The following CHST12 variants were observed in gnomAD, a reference collection of about 807,000 sequenced individuals.
CHST12 encodes carbohydrate (chondroitin 4) sulfotransferase 12.
Under a neutral mutation model 27.9 loss-of-function variants are expected in CHST12, and 23 were observed. The ratio of observed to expected loss-of-function variants is 0.82; its 90% CI spans 0.59 to 1.17. The LOEUF is 1.17. Ranked by LOEUF, CHST12 falls within the 50% of genes most tolerant of loss-of-function variation. CHST12 has a pLI of 0.00. For missense variants in CHST12, 682 were observed against 603.0 expected, an observed-to-expected ratio of 1.13 and a Z score of -1.37; for synonymous variants, 322 against 273.0, an observed-to-expected ratio of 1.18 and a Z score of -1.77.
intron 1 of CHST12, among the ~76,000 whole-genome samples, chr7:2,422,035 C>G (rs1383996814): frequency 6.6e-6 from 1 of 152,152 alleles, no homozygotes; most frequent in African/African-American, 2.4e-5. Flanking sequence ...AGCAGAAGTG[C>G]TTAGGTTGGC....
rs930506446 is a variant in CHST12 at position 2,441,415 on chromosome 7, G to T, written c.*7531G>T. Reference sequence around the variant, plus strand: ...AAATAGTAATGATAAGAATATGGCTGCAGGGGGCAGCTTATGCCTGTAATC... The same window carrying T: ...AAATAGTAATGATAAGAATATGGCTTCAGGGGGCAGCTTATGCCTGTAATC... On this transcript the variant is annotated 3_prime_UTR_variant, in exon 2 of 2. Coordinates refer to ENST00000618655, the MANE Select transcript of CHST12 (RefSeq NM_018641.5). The T allele has an allele frequency of 6.6e-6, 1 of 152,326 alleles. No homozygotes were observed. The highest frequency in any genetic ancestry group is 6.5e-5 in the Admixed American group (1 of 15,304). 9.4% of individuals were successfully genotyped at this position (152,326 alleles called of 1,614,324 possible). A position where few individuals can be genotyped will look rare whatever the true frequency, so the allele number is the denominator to read the frequency against.
chr7:2,424,565 G>A (rs371674737), intron 1 of CHST12, among the ~76,000 whole-genome samples: 3 of 152,116 alleles, frequency 2.0e-5, no homozygotes, highest in African/African-American at 4.8e-5. Flanking sequence ...ACTCTCCCCC[G>A]GAAGACTCCC....
chr7:2,433,642 G>A lies in CHST12; in HGVS notation c.1003G>A (p.Asp335Asn), dbSNP rs779767608. Residue 335 changes from aspartate (D) to asparagine (N), a missense_variant, in exon 2 of 2, where the codon GAC becomes AAC. By Grantham distance (23) the Asp-to-Asn change is conservative. Transcript: ENST00000618655. This position sits in a 1 kb window ranked among gnomAD's most constrained non-coding sequence, Gnocchi z 6.1. ...CCGCCTCTGCCACCCGTGCCAGATC[G>A]ACTACGACTTCGTGGGGAAGCTGGA... is the stretch of plus-strand genomic sequence containing the variant. Reference protein sequence around the residue: ...VYRLCHPCQIDYDFVGKLETL... With the variant: ...VYRLCHPCQINYDFVGKLETL... 17 of 1,613,618 alleles carry A rather than the reference G, an allele frequency of 1.1e-5. No homozygotes were observed. The East Asian group carries it at 1.3e-4, about 13-fold the overall frequency.
chr7:2,411,678 G>C (rs1781671228), intron 1 of CHST12, among the ~76,000 whole-genome samples: 1 of 151,912 alleles, frequency 6.6e-6, no homozygotes, highest in Admixed American at 6.6e-5. Context: ...AGTAGAGACA[G>C]GGTTTTGCCA....
In CHST12 at chr7:2,427,023, T is replaced by G. The variant is rs141193429; in HGVS notation, c.-77-5540T>G. On this transcript the variant is annotated intron_variant, in intron 1 of 1. Transcript: ENST00000618655. Reference sequence around the variant, plus strand: ...AAAAAGAGAGAGAGAGAGAGACATATAAATGAAAAAGTACTCAGTTTAAGA... The same window carrying G: ...AAAAAGAGAGAGAGAGAGAGACATAGAAATGAAAAAGTACTCAGTTTAAGA... 6.7e-4 allele frequency among the ~76,000 whole-genome samples: 86 copies of G among 128,566 alleles called. 1 individual carries two copies. The highest frequency in any genetic ancestry group is 1.1e-3 in the Non-Finnish European group (70 of 63,356). The allele number at this position is 128,566 out of a possible 152,430, so 84.3% of individuals were successfully genotyped here.
At position 2,445,722 on chromosome 7, in the gene CHST12, C is replaced by G. The variant is rs1276343606; in HGVS notation, c.*11838C>G. 6.6e-6 allele frequency: 1 copy of G among 152,260 alleles called. No homozygotes were observed. The highest frequency in any genetic ancestry group is 1.5e-5 in the Non-Finnish European group (1 of 68,078). 9.4% of individuals were successfully genotyped at this position (152,260 alleles called of 1,614,324 possible). On this transcript the variant is annotated 3_prime_UTR_variant, in exon 2 of 2. Coordinates refer to ENST00000618655, the MANE Select transcript of CHST12 (RefSeq NM_018641.5). ...AGGATTATAAGTGTGAGCCACCACA[C>G]CAGGCCCGTTTCATCCCTGCCTCAG...
rs1246320120 is a variant in CHST12, at chr7:2,440,272, C to CT, written c.*6389dup. The CT allele has an allele frequency of 1.9e-5, 3 of 154,468 alleles. No homozygotes were observed. The highest frequency in any genetic ancestry group is 1.3e-4 in the Admixed American group (2 of 15,288). 9.6% of individuals were successfully genotyped at this position (154,468 alleles called of 1,614,324 possible). A position where few individuals can be genotyped will look rare whatever the true frequency, so the allele number is the denominator to read the frequency against. On this transcript the variant is annotated 3_prime_UTR_variant, in exon 2 of 2. Coordinates refer to ENST00000618655, the MANE Select transcript of CHST12 (RefSeq NM_018641.5). ...ACAGTGATAAACGAACACAGCCTAT[C>CT]TGGGTGTTTTTTGCACTTATAGTTT...
rs1047472098 is a variant in CHST12, at chr7:2,432,940, G to A, written c.301G>A (p.Val101Met). ...PPAPGSMEES[V>M]RGYDWSPRDA... Reference sequence around the variant, plus strand: ...TGCGCCGGGGAGCATGGAGGAGAGCGTGAGAGGCTACGACTGGTCCCCGCG... The same window carrying A: ...TGCGCCGGGGAGCATGGAGGAGAGCATGAGAGGCTACGACTGGTCCCCGCG... The change falls in exon 2 of 2, where the codon GTG becomes ATG. Residue 101 changes from valine to methionine, a missense_variant. Physicochemically the swap from Val to Met is conservative, Grantham distance 21. Coordinates refer to ENST00000618655, the MANE Select transcript of CHST12 (RefSeq NM_018641.5). 10 of 1,612,342 alleles carry A rather than the reference G, an allele frequency of 6.2e-6. No individual in the cohort carries two copies. In the East Asian group the frequency reaches 8.9e-5, roughly 14 times the overall value.
In CHST12 at chr7:2,432,922, G is replaced by C; in HGVS notation, c.283G>C (p.Gly95Arg). The C allele has an allele frequency of 6.2e-7, 1 of 1,613,006 alleles. No individual in the cohort carries two copies. The highest frequency in any genetic ancestry group is 2.2e-5 in the East Asian group (1 of 44,864). Residue 95 changes from glycine to arginine, a missense_variant, in exon 2 of 2, where the codon GGG (glycine) becomes CGG (arginine). By Grantham distance (125) the Gly-to-Arg change is moderately radical (BLOSUM62 -2). Transcript: ENST00000618655. ...GGAGACGGAGCAGCCGCCTGCGCCG[G>C]GGAGCATGGAGGAGAGCGTGAGAGG... ...RKETEQPPAP[G>R]SMEESVRGYD...
Position 2,437,399 on chromosome 7 carries a change from T to G in CHST12, c.*3515T>G, listed in dbSNP as rs560882696. On this transcript the variant is annotated 3_prime_UTR_variant, in exon 2 of 2. Transcript: ENST00000618655. ...TGTATTTTCCATCTGCCCCAGGAAT[T>G]TGACACAGGTGTGACTTGCAGGTTG... The G allele has an allele frequency of 1.3e-5, 2 of 152,430 alleles. No homozygotes were observed. Among genetic ancestry groups the G allele is most frequent in the South Asian group, 4.1e-4 (2 of 4,832 alleles). The allele number at this position is 152,430 out of a possible 1,614,324, so 9.4% of individuals were successfully genotyped here.
chr7:2,419,178 G>A (rs1781894838), intron 1 of CHST12, among the ~76,000 whole-genome samples: 1 of 152,148 alleles, frequency 6.6e-6, no homozygotes, highest in African/African-American at 2.4e-5. Context: ...GGAGGCCGAG[G>A]CAGGTAGATC....
rs1368958247 is a variant in CHST12, at chr7:2,443,012, C to A, written c.*9128C>A. 1 of 151,984 alleles carries A rather than the reference C, an allele frequency of 6.6e-6. No individual in the cohort carries two copies. Among genetic ancestry groups the A allele is most frequent in the African/African-American group, 2.4e-5 (1 of 41,364 alleles). The allele number at this position is 151,984 out of a possible 1,614,324, so 9.4% of individuals were successfully genotyped here. Reference sequence around the variant, plus strand: ...TCTCGGCTCACTGCAACCCCTGCTTCCTGGGTTCAAGTGGTTCTCCTGCCT... The same window carrying A: ...TCTCGGCTCACTGCAACCCCTGCTTACTGGGTTCAAGTGGTTCTCCTGCCT... On this transcript the variant is annotated 3_prime_UTR_variant, in exon 2 of 2. Coordinates refer to ENST00000618655, the MANE Select transcript of CHST12 (RefSeq NM_018641.5).
rs1037521423 is a variant in CHST12, at chr7:2,439,320, C to T, written c.*5436C>T. The T allele has an allele frequency of 6.6e-6, 1 of 152,090 alleles. No individual in the cohort carries two copies. Among genetic ancestry groups the T allele is most frequent in the Non-Finnish European group, 1.5e-5 (1 of 68,040 alleles). 9.4% of individuals were successfully genotyped at this position (152,090 alleles called of 1,614,324 possible). ...GAAACATGTTCTTACTCTGCCAGGA[C>T]CCAGGGATAGGTGAGGCTCTCCTAT... On this transcript the variant is annotated 3_prime_UTR_variant, in exon 2 of 2. Transcript: ENST00000618655.
intron 1 of CHST12, among the ~76,000 whole-genome samples, chr7:2,414,606 A>G (rs1583211319): frequency 6.6e-6 from 1 of 152,318 alleles, no homozygotes; most frequent in East Asian, 1.9e-4. Flanking sequence ...TAATGGTAAA[A>G]TTTGAGAATC....
chr7:2,417,349 T>G (rs1781837679), intron 1 of CHST12, among the ~76,000 whole-genome samples: 1 of 149,822 alleles, frequency 6.7e-6, no homozygotes, highest in African/African-American at 2.5e-5. Flanking sequence ...CTCAGCCTCC[T>G]GAGTAGCTGG....
chr7:2,431,806 T>C (rs1458820245), intron 1 of CHST12, among the ~76,000 whole-genome samples: 1 of 152,176 alleles, frequency 6.6e-6, no homozygotes, highest in Non-Finnish European at 1.5e-5. Context: ...GGCATTCGAC[T>C]TAAGTAGAGT....
rs999776452 is a variant in CHST12, at chr7:2,436,581, G to A, written c.*2697G>A. The A allele has an allele frequency of 2.0e-5, 3 of 152,286 alleles. No homozygotes were observed. The highest frequency in any genetic ancestry group is 7.2e-5 in the African/African-American group (3 of 41,450). 9.4% of individuals were successfully genotyped at this position (152,286 alleles called of 1,614,324 possible). On this transcript the variant is annotated 3_prime_UTR_variant, in exon 2 of 2. Transcript: ENST00000618655. ...TGAATTGAATGCTGCTGTGAACAGG[G>A]TGTCAGTGAATCTGCTGAGGGCTTG...
intron 1 of CHST12, among the ~76,000 whole-genome samples, chr7:2,426,855 A>G (rs1439497313): frequency 6.6e-6 from 1 of 152,028 alleles, no homozygotes; most frequent in Admixed American, 6.6e-5. Flanking sequence ...GCCGGGTGTC[A>G]GGGTGGGCAC....
At chr7:2,419,229 T>G (rs1237449360) in intron 1 of CHST12, among the ~76,000 whole-genome samples, 1 of 151,928 alleles carries the variant, frequency 6.6e-6, no homozygotes, top group Non-Finnish European at 1.5e-5. Flanking sequence ...GTCAACATGG[T>G]GAAACCCCAT....
Sources: allele counts gnomAD v4.1 joint callset (sites outside exome capture counted in the v4.1 genomes callset), GRCh38; gene constraint gnomAD v4.1.1; non-coding constraint Gnocchi (gnomAD v3.1); transcripts MANE v1.5; gene names NCBI Gene and HGNC (gene_info 2026-07-23, HGNC 2026-07-21).